Variants in DRC10 observed in about 807,000 individuals in gnomAD.
DRC10 encodes dynein regulatory complex subunit 10.
At chr12:113,204,189 C>T in the DRC10 span, among the ~76,000 whole-genome samples, 2 of 152,208 alleles carry the variant, frequency 1.3e-5, no homozygotes, top group African/African-American at 2.4e-5. Context: ...GAGCTATGAA[C>T]GTGCCAATGC....
At chr12:113,204,515 T>C in the DRC10 span, among the ~76,000 whole-genome samples, 1 of 152,276 alleles carries the variant, frequency 6.6e-6, no homozygotes, top group African/African-American at 2.4e-5. Flanking sequence ...AGCCCATTCA[T>C]TTACATATTG....
At chr12:113,197,130 C>G in the DRC10 span, among the ~76,000 whole-genome samples, 1 of 150,976 alleles carries the variant, frequency 6.6e-6, no homozygotes, top group Non-Finnish European at 1.5e-5. Context: ...GATGTGGACA[C>G]TAGATGGAGC....
chr12:113,209,859 CTCACACCTGTAA>C, the DRC10 span, among the ~76,000 whole-genome samples: 1 of 152,216 alleles, frequency 6.6e-6, no homozygotes, highest in Non-Finnish European at 1.5e-5. Flanking sequence ...GGCATGGTAG[CTCACACCTGTAA>C]TCACAGCACT....
At chr12:113,199,769 A>G in the DRC10 span, among the ~76,000 whole-genome samples, 1 of 152,084 alleles carries the variant, frequency 6.6e-6, no homozygotes, top group African/African-American at 2.4e-5. Flanking sequence ...CCTGGCTGGA[A>G]TGCAGTGGCA....
At chr12:113,198,329 CAGAG>C in the DRC10 span, among the ~76,000 whole-genome samples, 4 of 152,128 alleles carry the variant, frequency 2.6e-5, no homozygotes, top group Non-Finnish European at 5.9e-5. Context: ...GGCTGTGTCA[CAGAG>C]GGAGTGTCAG....
At chr12:113,206,723 T>G in the DRC10 span, among the ~76,000 whole-genome samples, 1 of 149,400 alleles carries the variant, frequency 6.7e-6, no homozygotes, top group Non-Finnish European at 1.5e-5. Flanking sequence ...CCACTGCACT[T>G]TAGCCTGGGT....
At chr12:113,206,388 T>C in the DRC10 span, among the ~76,000 whole-genome samples, 3 of 152,178 alleles carry the variant, frequency 2.0e-5, no homozygotes, top group African/African-American at 7.2e-5. Flanking sequence ...CAGGAGTTAC[T>C]TGCTCTCTTC....
At chr12:113,199,352 C>T in the DRC10 span, among the ~76,000 whole-genome samples, 2 of 152,104 alleles carry the variant, frequency 1.3e-5, no homozygotes, top group East Asian at 1.9e-4. Context: ...GCTATGATCA[C>T]GCCACTGCAC....
the DRC10 span, chr12:113,195,560 G>A: frequency 1.9e-6 from 3 of 1,571,350 alleles, no homozygotes; most frequent in Non-Finnish European, 2.6e-6. Flanking sequence ...GTCAGGAGCG[G>A]GCTGGGTGGA....
At chr12:113,200,395 G>A in the DRC10 span, 23 of 701,960 alleles carry the variant, frequency 3.3e-5, no homozygotes, top group Non-Finnish European at 6.0e-5. Flanking sequence ...CCTCCCAGGA[G>A]ACACTGGCTT....
chr12:113,207,052 C>T, the DRC10 span: 10 of 348,708 alleles, frequency 2.9e-5, no homozygotes, highest in Non-Finnish European at 5.5e-5. Flanking sequence ...AGAGTGAGAC[C>T]CTGTCTCAAA....
chr12:113,218,653 GCTCCTAGGCTCAAA>G, the DRC10 span, among the ~76,000 whole-genome samples: 18 of 151,916 alleles, frequency 1.2e-4, no homozygotes, highest in East Asian at 2.7e-3. Flanking sequence ...TTGTTACCAG[GCTCCTAGGCTCAAA>G]CTCCTAGGCT....
At chr12:113,220,151 ACT>A in the DRC10 span, among the ~76,000 whole-genome samples, 1 of 151,612 alleles carries the variant, frequency 6.6e-6, no homozygotes, top group Non-Finnish European at 1.5e-5. Flanking sequence ...ATCACAAGAA[ACT>A]CTCTGTCTTC....
At chr12:113,200,523 C>CA in the DRC10 span, 2 of 946,026 alleles carry the variant, frequency 2.1e-6, no homozygotes, top group Non-Finnish European at 3.2e-6. Context: ...GGAACAGTCC[C>CA]ACCCATCCCC....
At chr12:113,200,801 TCTC>T in the DRC10 span, 1 of 1,530,650 alleles carries the variant, frequency 6.5e-7, no homozygotes, top group South Asian at 1.2e-5. Context: ...ATCACAAAGT[TCTC>T]CTTTTCCACC....
the DRC10 span, among the ~76,000 whole-genome samples, chr12:113,206,830 C>T: frequency 6.6e-6 from 1 of 151,718 alleles, no homozygotes; most frequent in Admixed American, 6.6e-5. Flanking sequence ...GAGGCCAAGG[C>T]GGAAGGATCT....
At chr12:113,208,190 C>T in the DRC10 span, 1 of 1,593,056 alleles carries the variant, frequency 6.3e-7, no homozygotes, top group South Asian at 1.1e-5. Flanking sequence ...CTCTGTGCCT[C>T]TGTAGGTCCA....
chr12:113,218,968 T>C, the DRC10 span, among the ~76,000 whole-genome samples: 1 of 152,246 alleles, frequency 6.6e-6, no homozygotes, highest in South Asian at 2.1e-4. Flanking sequence ...TGTGGACTTA[T>C]GTTTTCACTT....
At chr12:113,203,045 G>A in the DRC10 span, 1 of 444,996 alleles carries the variant, frequency 2.2e-6, no homozygotes, top group Admixed American at 2.5e-5. Flanking sequence ...TTTTTTTTTT[G>A]AGACAGGGTC....
Sources: allele counts gnomAD v4.1 joint callset (sites outside exome capture counted in the v4.1 genomes callset), GRCh38; gene constraint gnomAD v4.1.1; transcripts MANE v1.5; gene names NCBI Gene and HGNC (gene_info 2026-07-23, HGNC 2026-07-21).